Variants in PLXNC1 observed in about 807,000 individuals in gnomAD.
The protein encoded by PLXNC1 is plexin C1.
PLXNC1 carries 75 observed loss-of-function variants against 178.2 expected under a neutral mutation model. The observed-to-expected ratio is 0.42, with a 90% CI of 0.35 to 0.51. The LOEUF is 0.51. Among genes scored for constraint, PLXNC1 ranks in the 20% least tolerant of loss-of-function variants. The pLI, the probability that PLXNC1 is intolerant of heterozygous loss-of-function variation, is 0.02. For synonymous variants in PLXNC1, 790 were observed against 779.9 expected, an observed-to-expected ratio of 1.01 and a Z score of -0.22; for missense variants, 1,503 against 1,984.4, an observed-to-expected ratio of 0.76 and a Z score of 4.61.
intron 4 of PLXNC1, among the ~76,000 whole-genome samples, chr12:94,196,783 A>T (rs1048206409): frequency 6.6e-6 from 1 of 152,318 alleles, no homozygotes; most frequent in East Asian, 1.9e-4. Flanking sequence ...ACTACCTTGC[A>T]CGTTCTGTGC....
intron 9 of PLXNC1, among the ~76,000 whole-genome samples, chr12:94,230,206 C>G (rs1964060753): frequency 6.6e-6 from 1 of 152,200 alleles, no homozygotes; most frequent in African/African-American, 2.4e-5. Context: ...CAGATGTACC[C>G]TTTGGGGGAC....
intron 5 of PLXNC1, among the ~76,000 whole-genome samples, chr12:94,216,138 G>C (rs777199456): frequency 1.3e-4 from 20 of 151,960 alleles, no homozygotes; most frequent in Non-Finnish European, 2.4e-4. Flanking sequence ...CGTGGTGGCA[G>C]GTGTCTGTAA....
At chr12:94,275,933 T>C (rs1414818138) in intron 21 of PLXNC1, among the ~76,000 whole-genome samples, 1 of 149,888 alleles carries the variant, frequency 6.7e-6, no homozygotes, top group Non-Finnish European at 1.5e-5. Flanking sequence ...TGAACACATA[T>C]CAATTTATGT....
intron 17 of PLXNC1, among the ~76,000 whole-genome samples, chr12:94,256,659 T>A (rs1425184768): frequency 6.6e-6 from 1 of 152,132 alleles, no homozygotes; most frequent in African/African-American, 2.4e-5. Context: ...TTAAAAGCAA[T>A]AAAATAACGG....
At chr12:94,227,063 G>A (rs182147305) in intron 8 of PLXNC1, 86 bp from the exon 9 acceptor site, 292 of 892,146 alleles carry the variant, frequency 3.3e-4, no homozygotes, top group Non-Finnish European at 5.0e-4. Context: ...GTTTGTGACT[G>A]CCTGGTCCTA....
intron 2 of PLXNC1, among the ~76,000 whole-genome samples, chr12:94,178,534 G>C (rs1480920080): frequency 6.6e-6 from 1 of 152,184 alleles, no homozygotes; most frequent in East Asian, 1.9e-4. Context: ...CTGAATCTGA[G>C]CTGATTAATA....
Position 94,248,382 on chromosome 12 carries a change from C to T in PLXNC1, c.2748C>T (p.Ser916=). The change falls in exon 14 of 31, where the codon AGC becomes AGT. Residue 916 remains serine, a synonymous_variant. Transcript: ENST00000258526. Reference sequence around the variant, plus strand: ...AAATTAAAGGCATCAAGACTGCAAGCACCATTGCCAACTCTTCTAAGAAAG... The same window carrying T: ...AAATTAAAGGCATCAAGACTGCAAGTACCATTGCCAACTCTTCTAAGAAAG... ...LCKIKGIKTA[S]TIANSSKKVR... is the part of the protein sequence containing the mutation. 6.2e-7 allele frequency: 1 copy of T among 1,609,458 alleles called. No homozygotes were observed. The highest frequency in any genetic ancestry group is 8.5e-7 in the Non-Finnish European group (1 of 1,178,548).
chr12:94,294,925 A>G (rs1288498321), intron 24 of PLXNC1, among the ~76,000 whole-genome samples: 1 of 152,226 alleles, frequency 6.6e-6, no homozygotes, highest in Non-Finnish European at 1.5e-5. Context: ...CAAGCGCTGA[A>G]CAAACAAGAT....
chr12:94,284,138 G>C (rs1305334662), intron 23 of PLXNC1, among the ~76,000 whole-genome samples: 1 of 151,304 alleles, frequency 6.6e-6, no homozygotes, highest in Non-Finnish European at 1.5e-5. Flanking sequence ...TCAAGCACTG[G>C]TCTTAGGTTT....
At chr12:94,304,481 T>C (rs1333136228) in intron 30 of PLXNC1, among the ~76,000 whole-genome samples, 2 of 152,238 alleles carry the variant, frequency 1.3e-5, no homozygotes, top group Admixed American at 1.3e-4. Context: ...CAATAAACCA[T>C]TCTCCTTTAT....
chr12:94,282,523 C>T, intron 23 of PLXNC1, 122 bp downstream of exon 23: 1 of 675,940 alleles, frequency 1.5e-6, no homozygotes, highest in Non-Finnish European at 2.6e-6. Flanking sequence ...TCGATCGTGT[C>T]TGGGGCTGAA....
In PLXNC1 at chr12:94,157,077, C is replaced by T. The variant is rs945174475; in HGVS notation, c.1062+7044C>T. On this transcript the variant is annotated intron_variant, in intron 1 of 30. Transcript: ENST00000258526. ...GCAATGACTTTCTGTATTATTTAGTCCAAGTTGCCAGGAGAGAGATAGAGT... is the reference window on the plus strand; with the variant it reads ...GCAATGACTTTCTGTATTATTTAGTTCAAGTTGCCAGGAGAGAGATAGAGT... 3.3e-5 allele frequency among the ~76,000 whole-genome samples: 5 copies of T among 152,274 alleles called. 1 individual carries two copies. The highest frequency in any genetic ancestry group is 3.9e-4 in the East Asian group (2 of 5,184).
In PLXNC1 at chr12:94,241,651, A is replaced by G. The variant is rs367922396; in HGVS notation, c.2300+987A>G. ...TGCCTGGCTTATTTCACTTAACATA[A>G]TGTCCTGCAGTTCCATCTGTGTTGT... On this transcript the variant is annotated intron_variant, in intron 11 of 30. Coordinates refer to ENST00000258526, the MANE Select transcript of PLXNC1 (RefSeq NM_005761.3). Among the ~76,000 whole-genome samples the G allele has an allele frequency of 3.3e-5, 5 of 152,252 alleles. No homozygotes were observed. The East Asian group carries it at 9.6e-4, about 29-fold the overall frequency.
At chr12:94,300,275 C>T (rs571420281) in intron 27 of PLXNC1, among the ~76,000 whole-genome samples, 1 of 152,228 alleles carries the variant, frequency 6.6e-6, no homozygotes, top group East Asian at 1.9e-4. Context: ...ACTAGGTGAT[C>T]TGAGAAGGCC....
Position 94,260,965 on chromosome 12 carries a change from G to A in PLXNC1, c.3450+125G>A, listed in dbSNP as rs1318812428. The stretch of plus-strand genomic sequence containing the variant: ...TGGTGTCAGCACTTAACCATGTTTC[G>A]TCTTGGTCCTGACCCAGAACAGAGA... On this transcript the variant is annotated intron_variant, in intron 20 of 30. Transcript: ENST00000258526. The surrounding 1 kb of genome is among the most constrained non-coding windows in gnomAD (Gnocchi z 4.4). The A allele has an allele frequency of 1.7e-5, 14 of 817,814 alleles. No homozygotes were observed. The highest frequency in any genetic ancestry group is 2.4e-5 in the Non-Finnish European group (12 of 494,724). 50.7% of individuals were successfully genotyped at this position (817,814 alleles called of 1,614,324 possible). A position where few individuals can be genotyped will look rare whatever the true frequency, so the allele number is the denominator to read the frequency against.
At chr12:94,298,488 A>C (rs1160386706) in intron 26 of PLXNC1, 144 bp from the exon 27 acceptor site, 3 of 693,770 alleles carry the variant, frequency 4.3e-6, no homozygotes, top group Non-Finnish European at 7.0e-6. Context: ...GCCACATTTG[A>C]CAATTTTACA....
chr12:94,164,873 C>T (rs560339473), intron 1 of PLXNC1, among the ~76,000 whole-genome samples: 5 of 152,190 alleles, frequency 3.3e-5, no homozygotes, highest in Admixed American at 6.5e-5. Context: ...GTAGGCGTGA[C>T]GTTATGCTTA....
At chr12:94,195,884 A>G (rs919444030) in intron 4 of PLXNC1, among the ~76,000 whole-genome samples, 1 of 152,222 alleles carries the variant, frequency 6.6e-6, no homozygotes, top group Admixed American at 6.5e-5. Flanking sequence ...AATGCTAAAC[A>G]TATTTGTCCC....
Position 94,240,365 on chromosome 12 carries a change from G to A in PLXNC1, c.2121-120G>A, listed in dbSNP as rs1405599234. The A allele has an allele frequency of 5.4e-6, 4 of 741,852 alleles. No homozygotes were observed. In the East Asian group the frequency reaches 1.1e-4, roughly 20 times the overall value. 46.0% of individuals were successfully genotyped at this position (741,852 alleles called of 1,614,324 possible). A position where few individuals can be genotyped will look rare whatever the true frequency, so the allele number is the denominator to read the frequency against. ...CCTCATGAGTCAGTAGTTGCCTGCA[G>A]CTGTTCTGCTCCTTCATGAAGTGTT... On this transcript the variant is annotated intron_variant, in intron 10 of 30. Coordinates refer to ENST00000258526, the MANE Select transcript of PLXNC1 (RefSeq NM_005761.3).
Sources: gnomAD v4.1 joint callset for allele counts (sites outside exome capture counted in the v4.1 genomes callset) on GRCh38, gnomAD v4.1.1 for gene constraint, Gnocchi (gnomAD v3.1) non-coding constraint, MANE v1.5 for transcripts, NCBI Gene and HGNC (gene_info 2026-07-23, HGNC 2026-07-21) for gene names.